The following TCP11L2 variants were observed in gnomAD, a reference collection of about 807,000 sequenced individuals.
TCP11L2 encodes t-complex 11 like 2.
In TCP11L2, 39 loss-of-function variants were observed where a neutral mutation model predicts 50.7. The observed-to-expected ratio is 0.77, with a 90% CI of 0.60 to 1.01. The LOEUF is 1.01. TCP11L2 is among the 50% of genes least tolerant of loss of function. TCP11L2 has a pLI of 0.00. For missense variants in TCP11L2, 612 were observed against 614.7 expected (o/e 1.00, Z 0.05); for synonymous variants, 192 against 219.3 (o/e 0.88, Z 1.10).
At chr12:106,322,171 C>T (rs1194936390) in intron 5 of TCP11L2, among the ~76,000 whole-genome samples, 1 of 152,136 alleles carries the variant, frequency 6.6e-6, no homozygotes, top group Non-Finnish European at 1.5e-5. Context: ...TTTCTCATGT[C>T]ACAGTCCAAT....
Position 106,346,466 on chromosome 12 carries a change from T to C in TCP11L2, c.1496T>C (p.Leu499Pro). ...TATGGACCATTTTATGCAAATATAC[T>C]TCGAAAGCTGCTCTTCAATGAGGAA... Reference protein sequence around the residue: ...QVYGPFYANILRKLLFNEEAM... With the variant: ...QVYGPFYANIPRKLLFNEEAM... The change falls in exon 10 of 10, where the codon CTT (leucine) becomes CCT (proline). Residue 499 changes from leucine to proline, a missense_variant. Coordinates refer to ENST00000299045, the MANE Select transcript of TCP11L2 (RefSeq NM_152772.3). 1 of 1,614,164 alleles carries C rather than the reference T, an allele frequency of 6.2e-7. No individual in the cohort carries two copies. Among genetic ancestry groups the C allele is most frequent in the Non-Finnish European group, 8.5e-7 (1 of 1,180,006 alleles).
At chr12:106,305,464 C>T (rs1197321805) in intron 1 of TCP11L2, among the ~76,000 whole-genome samples, 3 of 152,152 alleles carry the variant, frequency 2.0e-5, no homozygotes, top group Non-Finnish European at 2.9e-5. Context: ...GGAGAGTCAT[C>T]GCTTCCACCA....
upstream of TCP11L2, among the ~76,000 whole-genome samples, chr12:106,301,235 TTGTA>T (rs1466129091): frequency 6.6e-6 from 1 of 152,216 alleles, no homozygotes; most frequent in Admixed American, 6.5e-5. Context: ...TATTATTAGG[TTGTA>T]TATTTTAGGA....
upstream of TCP11L2, among the ~76,000 whole-genome samples, chr12:106,301,591 G>A (rs945780814): frequency 3.9e-5 from 6 of 152,156 alleles, no homozygotes; most frequent in African/African-American, 1.4e-4. Context: ...TTTGAACGGT[G>A]GTGGCCAATC....
upstream of TCP11L2, among the ~76,000 whole-genome samples, chr12:106,299,259 G>A (rs567976305): frequency 2.0e-5 from 3 of 152,210 alleles, no homozygotes; most frequent in South Asian, 2.1e-4. Context: ...ATAAGACCTG[G>A]GATACACCAA....
chr12:106,329,758 C>T (rs1376077372), intron 6 of TCP11L2: 13 of 1,008,622 alleles, frequency 1.3e-5, no homozygotes, highest in African/African-American at 1.7e-5. Flanking sequence ...ATTACTGCCA[C>T]ATTGTAATTA....
chr12:106,341,088 A>G (rs1030114823), intron 9 of TCP11L2, 90 bp downstream of exon 9: 3 of 1,074,322 alleles, frequency 2.8e-6, no homozygotes, highest in African/African-American at 1.6e-5. Context: ...TTTTGATCTT[A>G]AACACATTAC....
upstream of TCP11L2, among the ~76,000 whole-genome samples, chr12:106,299,696 A>C (rs1260461400): frequency 6.6e-6 from 1 of 152,202 alleles, no homozygotes; most frequent in Non-Finnish European, 1.5e-5. Flanking sequence ...CATAGAGAGA[A>C]ATAGGGGACA....
At chr12:106,318,019 C>G (rs981929072) in intron 3 of TCP11L2, among the ~76,000 whole-genome samples, 1 of 152,148 alleles carries the variant, frequency 6.6e-6, no homozygotes, top group African/African-American at 2.4e-5. Context: ...AAATGTAGAA[C>G]AAGTCTAAAG....
intron 6 of TCP11L2, chr12:106,329,747 T>A: frequency 9.8e-7 from 1 of 1,020,582 alleles, no homozygotes; most frequent in Non-Finnish European, 1.2e-6. Context: ...TATAAATGCT[T>A]ATTACTGCCA....
At chr12:106,306,432 A>G (rs950503435) in intron 1 of TCP11L2, among the ~76,000 whole-genome samples, 1 of 152,190 alleles carries the variant, frequency 6.6e-6, no homozygotes, top group Non-Finnish European at 1.5e-5. Flanking sequence ...ATACAAAACC[A>G]CAGTACATTT....
At chr12:106,323,484 C>T (rs374018727) in intron 5 of TCP11L2, 26 bp from the exon 6 acceptor site, 11 of 1,528,792 alleles carry the variant, frequency 7.2e-6, no homozygotes, top group Non-Finnish European at 9.7e-6. Context: ...TTAATCATCT[C>T]TCTATTTTAA....
At chr12:106,306,911 A>G (rs1286365843) in intron 1 of TCP11L2, among the ~76,000 whole-genome samples, 1 of 152,194 alleles carries the variant, frequency 6.6e-6, no homozygotes. Context: ...GACATGTATT[A>G]TCATCAGTGT....
upstream of TCP11L2, among the ~76,000 whole-genome samples, chr12:106,299,036 G>A (rs367849456): frequency 9.9e-5 from 15 of 151,448 alleles, 1 homozygote; most frequent in African/African-American, 9.7e-5. Context: ...GGCTGGTCTC[G>A]AACTCATGAC....
intron 8 of TCP11L2, among the ~76,000 whole-genome samples, chr12:106,339,716 C>T (rs191662969): frequency 0.017 from 2,518 of 152,248 alleles, 42 homozygotes; most frequent in South Asian, 0.052. Flanking sequence ...AGCCTAAGAA[C>T]TCACTGATTA....
chr12:106,299,894 T>C (rs1303405091), upstream of TCP11L2, among the ~76,000 whole-genome samples: 1 of 152,272 alleles, frequency 6.6e-6, no homozygotes, highest in African/African-American at 2.4e-5. Context: ...TGATTTATTA[T>C]AATTTAAAAC....
At chr12:106,313,828 C>T (rs1198384984) in intron 2 of TCP11L2, among the ~76,000 whole-genome samples, 21 of 144,520 alleles carry the variant, frequency 1.5e-4, no homozygotes, top group African/African-American at 1.5e-4. Context: ...TGCAGTGGCA[C>T]GATCTTGGCT....
chr12:106,318,900 T>TATTTTA (rs66719973), intron 4 of TCP11L2, among the ~76,000 whole-genome samples: 36 of 148,296 alleles, frequency 2.4e-4, no homozygotes, highest in African/African-American at 6.9e-4. Flanking sequence ...TATTTTATTT[T>TATTTTA]TTTTTTTTTT....
At chr12:106,308,343 C>T (rs1225911103) in intron 1 of TCP11L2, among the ~76,000 whole-genome samples, 1 of 152,178 alleles carries the variant, frequency 6.6e-6, no homozygotes, top group Non-Finnish European at 1.5e-5. Flanking sequence ...TAATGATGAA[C>T]CCAGGCCACA....
Sources: gnomAD v4.1 joint callset for allele counts (sites outside exome capture counted in the v4.1 genomes callset) on GRCh38, gnomAD v4.1.1 for gene constraint, MANE v1.5 for transcripts, NCBI Gene and HGNC (gene_info 2026-07-23, HGNC 2026-07-21) for gene names.